The following CD1B variants were observed in gnomAD, a reference collection of about 807,000 sequenced individuals.
CD1B encodes T-cell surface glycoprotein CD1b.
CD1B carries 43 observed loss-of-function variants against 39.8 expected under a neutral mutation model. That is an observed-to-expected ratio of 1.08 (90% CI 0.85 to 1.39). The LOEUF (loss-of-function observed/expected upper bound fraction) is 1.39, where lower values mean the gene tolerates loss of function less well. Ranked by LOEUF, CD1B falls within the 40% of genes most tolerant of loss-of-function variation. CD1B has a pLI of 0.00. For synonymous variants in CD1B, 192 were observed against 152.5 expected, an observed-to-expected ratio of 1.26 and a Z score of -1.91; for missense variants, 495 against 403.8, an observed-to-expected ratio of 1.23 and a Z score of -1.94.
the CD1B span, among the ~76,000 whole-genome samples, chr1:158,317,666 G>T: frequency 1.3e-5 from 2 of 151,966 alleles, no homozygotes; most frequent in African/African-American, 2.4e-5. Context: ...ATTTCCTTCA[G>T]TTCTGCTCTG....
the CD1B span, among the ~76,000 whole-genome samples, chr1:158,304,576 C>G: frequency 6.6e-6 from 1 of 152,164 alleles, no homozygotes; most frequent in South Asian, 2.1e-4. Flanking sequence ...TGTCTGACAG[C>G]TTGGAAGAGA....
chr1:158,297,021 A>G, the CD1B span, among the ~76,000 whole-genome samples: 2 of 152,316 alleles, frequency 1.3e-5, no homozygotes, highest in South Asian at 4.1e-4. Context: ...ACAATTGAAA[A>G]CATATATGAG....
the CD1B span, among the ~76,000 whole-genome samples, chr1:158,315,756 G>A: frequency 1.3e-5 from 2 of 152,036 alleles, no homozygotes; most frequent in African/African-American, 4.8e-5. Flanking sequence ...GAATGGTATT[G>A]CCTAGGTTTT....
chr1:158,292,993 T>G, the CD1B span: 1 of 1,026,056 alleles, frequency 9.7e-7, no homozygotes. Context: ...TATAGGGTAA[T>G]TTAAAGAATA....
chr1:158,299,843 C>T, the CD1B span, among the ~76,000 whole-genome samples: 2 of 152,096 alleles, frequency 1.3e-5, no homozygotes, highest in Non-Finnish European at 2.9e-5. Flanking sequence ...TCCCCTTTAT[C>T]ATTTTTTATT....
chr1:158,302,285 AAAAC>A, the CD1B span, among the ~76,000 whole-genome samples: 1 of 152,230 alleles, frequency 6.6e-6, no homozygotes, highest in Non-Finnish European at 1.5e-5. Flanking sequence ...AGACACAGCT[AAAAC>A]AGAGTTAAGA....
chr1:158,299,278 G>T, the CD1B span, among the ~76,000 whole-genome samples: 1 of 152,026 alleles, frequency 6.6e-6, no homozygotes, highest in South Asian at 2.1e-4. Context: ...ATAATGATGT[G>T]GTTTTTTTCT....
At chr1:158,319,766 G>A in the CD1B span, among the ~76,000 whole-genome samples, 1 of 152,192 alleles carries the variant, frequency 6.6e-6, no homozygotes, top group Non-Finnish European at 1.5e-5. Flanking sequence ...CAGTTTTTCT[G>A]TTCTGTTTTT....
chr1:158,286,005 G>T, the CD1B span, among the ~76,000 whole-genome samples: 1 of 152,102 alleles, frequency 6.6e-6, no homozygotes, highest in East Asian at 1.9e-4. Flanking sequence ...CATGACACTG[G>T]AGTTCTGAGG....
At chr1:158,291,199 C>T in the CD1B span, 819 of 1,613,786 alleles carry the variant, frequency 5.1e-4, 8 homozygotes, top group South Asian at 7.8e-3. Flanking sequence ...ATCCTGGGCA[C>T]GAGGTCAGGG....
the CD1B span, chr1:158,291,495 A>G: frequency 2.4e-6 from 3 of 1,253,710 alleles, no homozygotes; most frequent in East Asian, 2.3e-5. Flanking sequence ...CCATTATCCC[A>G]TCCCACCATA....
At chr1:158,287,118 C>A in the CD1B span, among the ~76,000 whole-genome samples, 3 of 152,270 alleles carry the variant, frequency 2.0e-5, no homozygotes, top group African/African-American at 7.2e-5. Context: ...ACAAGGCAAT[C>A]AGCTGGGTGG....
At chr1:158,329,695 C>A in intron 3 of CD1B, 47 bp from the exon 4 acceptor site, 1 of 1,597,154 alleles carries the variant, frequency 6.3e-7, no homozygotes, top group South Asian at 1.1e-5. Flanking sequence ...AACTCGAGTT[C>A]AGAGGTTATG....
At chr1:158,289,791 G>A in the CD1B span, 1 of 369,332 alleles carries the variant, frequency 2.7e-6, no homozygotes, top group South Asian at 6.5e-5. Context: ...GTCTAAGGCA[G>A]TTGAGGAAGG....
chr1:158,331,046 G>T lies in CD1B; in HGVS notation c.78C>A (p.Thr26=), dbSNP rs757261107. Residue 26 remains threonine, a synonymous_variant, in exon 2 of 6, where the codon ACC becomes ACA. Coordinates refer to ENST00000368168, the MANE Select transcript of CD1B (RefSeq NM_001764.3). ...ACGAGGTCTGGATAACATGAAAGGA[G>T]GTCGGCCCCTGGAAGGCTGTGAAGA... ...GNSEHAFQGP[T]SFHVIQTSSF... The T allele has an allele frequency of 1.5e-5, 24 of 1,611,824 alleles. No homozygotes were observed. The highest frequency in any genetic ancestry group is 2.5e-6 in the Non-Finnish European group (3 of 1,179,250).
At chr1:158,308,673 G>A in the CD1B span, among the ~76,000 whole-genome samples, 22 of 152,192 alleles carry the variant, frequency 1.4e-4, no homozygotes, top group East Asian at 2.1e-3. Context: ...CAGAAATAAC[G>A]CCACATATCT....
At chr1:158,304,492 T>C in the CD1B span, among the ~76,000 whole-genome samples, 1 of 152,168 alleles carries the variant, frequency 6.6e-6, no homozygotes, top group Non-Finnish European at 1.5e-5. Context: ...TGCCTGCCTC[T>C]GTAGACTCCA....
chr1:158,315,746 G>C, the CD1B span, among the ~76,000 whole-genome samples: 6 of 151,978 alleles, frequency 3.9e-5, no homozygotes, highest in Non-Finnish European at 8.8e-5. Flanking sequence ...CCTATGTCCT[G>C]AATGGTATTG....
At chr1:158,293,299 A>G in the CD1B span, 15 of 1,613,202 alleles carry the variant, frequency 9.3e-6, no homozygotes, top group Admixed American at 2.5e-4. Flanking sequence ...TTTAAGAAGC[A>G]CTGGTGAGTT....
Sources: allele counts gnomAD v4.1 joint callset (sites outside exome capture counted in the v4.1 genomes callset), GRCh38; gene constraint gnomAD v4.1.1; transcripts MANE v1.5; gene names NCBI Gene and HGNC (gene_info 2026-07-23, HGNC 2026-07-21).